Variants in PRMT7 observed in about 807,000 individuals in gnomAD.
PRMT7 encodes the protein protein arginine N-methyltransferase 7.
In PRMT7, 75 loss-of-function variants were observed where a neutral mutation model predicts 85.4. The observed-to-expected ratio is 0.88, with a 90% CI of 0.73 to 1.06. The LOEUF is 1.06. Ranked by LOEUF, PRMT7 falls within the 50% of genes least tolerant of loss-of-function variation. PRMT7 has a pLI of 0.00. For missense variants in PRMT7, 868 were observed against 915.2 expected (o/e 0.95, Z 0.67); for synonymous variants, 397 against 359.5 (o/e 1.10, Z -1.18).
chr16:68,341,224 A>G (rs952294401), intron 9 of PRMT7, among the ~76,000 whole-genome samples: 5 of 152,168 alleles, frequency 3.3e-5, no homozygotes, highest in Non-Finnish European at 7.3e-5. Context: ...CTCAAAGGAA[A>G]AGAAAGTGGG....
In PRMT7 at chr16:68,352,234, C is replaced by A. The variant is rs778020649; in HGVS notation, c.1414-14C>A. Reference sequence around the variant, plus strand: ...CTACTGACACCTGGGCCCTGCTTCTCGCCCATTCACCAGGTCTCTCTCCTC... The same window carrying A: ...CTACTGACACCTGGGCCCTGCTTCTAGCCCATTCACCAGGTCTCTCTCCTC... On this transcript the variant is annotated splice_polypyrimidine_tract_variant and intron_variant, in intron 14 of 18. Transcript: ENST00000441236. The A allele has an allele frequency of 6.2e-7, 1 of 1,611,654 alleles. No homozygotes were observed. The highest frequency in any genetic ancestry group is 1.1e-5 in the South Asian group (1 of 90,872).
In PRMT7 at chr16:68,351,967, C is replaced by T. The variant is rs531285102; in HGVS notation, c.1414-281C>T. 1.0e-4 allele frequency: 30 copies of T among 300,704 alleles called. No individual in the cohort carries two copies. The East Asian group carries it at 2.0e-3, about 20-fold the overall frequency. The allele number at this position is 300,704 out of a possible 1,614,324, so 18.6% of individuals were successfully genotyped here. On this transcript the variant is annotated intron_variant, in intron 14 of 18. Coordinates refer to ENST00000441236, the MANE Select transcript of PRMT7 (RefSeq NM_019023.5). ...GCCCCACTTTGTCTGCTTCCCTCTT[C>T]TGCTCTGCTCTCCTGAGCACGGGAC... is the stretch of plus-strand genomic sequence containing the variant.
At chr16:68,328,985 G>A (rs996756028) in intron 5 of PRMT7, 81 bp from the exon 6 acceptor site, 18 of 929,540 alleles carry the variant, frequency 1.9e-5, no homozygotes, top group Non-Finnish European at 2.9e-5. Context: ...CAGAATCAAG[G>A]AATAGCTTGC....
chr16:68,317,313 A>T (rs1308509956), intron 3 of PRMT7, among the ~76,000 whole-genome samples: 1 of 151,932 alleles, frequency 6.6e-6, no homozygotes, highest in Non-Finnish European at 1.5e-5. Context: ...GAACCAGCTG[A>T]ACTTGGGGTG....
At position 68,346,181 on chromosome 16, in the gene PRMT7, C is replaced by T. The variant is rs138745286; in HGVS notation, c.1092C>T (p.Pro364=). The change falls in exon 11 of 19, where the codon CCC becomes CCT. Residue 364 remains proline, a synonymous_variant. Coordinates refer to ENST00000441236, the MANE Select transcript of PRMT7 (RefSeq NM_019023.5). ...ATGAGAGAGTCCGCCAGATGCGCCC[C>T]GTGTGTGACTGCCAGGCTCACCTGC... is the stretch of plus-strand genomic sequence containing the variant. The part of the protein sequence containing the change: ...EKNERVRQMR[P]VCDCQAHLLW... 15 of 1,613,970 alleles carry T rather than the reference C, an allele frequency of 9.3e-6. No individual in the cohort carries two copies. The highest frequency in any genetic ancestry group is 2.2e-5 in the East Asian group (1 of 44,880).
At chr16:68,346,550 T>G (rs2086409862) in intron 11 of PRMT7, among the ~76,000 whole-genome samples, 1 of 143,072 alleles carries the variant, frequency 7.0e-6, no homozygotes, top group African/African-American at 2.7e-5. Context: ...CAGTCATTGC[T>G]GTGGGTGGTC....
At chr16:68,351,623 C>G (rs1427868830) in intron 14 of PRMT7, 1 of 152,800 alleles carries the variant, frequency 6.5e-6, no homozygotes, top group African/African-American at 2.4e-5. Flanking sequence ...CTTGCTGTCT[C>G]CCGGCCTCAC....
In PRMT7 at chr16:68,358,307, A is replaced by G. The variant is rs1456035659; in HGVS notation, c.*1083A>G. ...GGCCTGGCCCCAGCTTGTCGCTGAA[A>G]TAAGTGGAGAACACCAGCCTTGAGC... On this transcript the variant is annotated 3_prime_UTR_variant, in exon 19 of 19. Transcript: ENST00000441236. 2.0e-5 allele frequency: 3 copies of G among 152,744 alleles called. No individual in the cohort carries two copies. Among genetic ancestry groups the G allele is most frequent in the East Asian group, 1.9e-4 (1 of 5,318 alleles). 9.5% of individuals were successfully genotyped at this position (152,744 alleles called of 1,614,324 possible). A position where few individuals can be genotyped will look rare whatever the true frequency, so the allele number is the denominator to read the frequency against.
At position 68,352,334 on chromosome 16, in the gene PRMT7, G is replaced by A; in HGVS notation, c.1500G>A (p.Val500=). ...ACTTCTGGTACGTGCGGACCGCTGT[G>A]GACCAGCACCTGGGGCCAGGTGCCA... ...NLYFWYVRTA[V]DQHLGPGAMV... The change falls in exon 15 of 19, where the codon GTG becomes GTA. Residue 500 remains valine, a synonymous_variant. Transcript: ENST00000441236. 6.2e-7 allele frequency: 1 copy of A among 1,612,674 alleles called. No individual in the cohort carries two copies. Among genetic ancestry groups the A allele is most frequent in the Non-Finnish European group, 8.5e-7 (1 of 1,180,018 alleles).
intron 5 of PRMT7, among the ~76,000 whole-genome samples, chr16:68,327,523 A>C (rs1022381004): frequency 6.6e-6 from 1 of 151,378 alleles, no homozygotes; most frequent in African/African-American, 2.4e-5. Context: ...TTGTGGCTGG[A>C]GTGTTGGTTG....
At chr16:68,332,376 G>C (rs561569370) in intron 6 of PRMT7, among the ~76,000 whole-genome samples, 2 of 152,120 alleles carry the variant, frequency 1.3e-5, no homozygotes, top group Admixed American at 6.6e-5. Context: ...CCTTGGTCTC[G>C]AGTGTGTAAA....
intron 14 of PRMT7, among the ~76,000 whole-genome samples, chr16:68,349,525 T>C (rs1444964922): frequency 6.6e-6 from 1 of 152,142 alleles, no homozygotes; most frequent in Non-Finnish European, 1.5e-5. Context: ...ACCACAAAAT[T>C]AATGCATTTC....
intron 6 of PRMT7, among the ~76,000 whole-genome samples, chr16:68,337,145 TC>T (rs2084812534): frequency 6.6e-6 from 1 of 152,222 alleles, no homozygotes; most frequent in Non-Finnish European, 1.5e-5. Flanking sequence ...TTTATAGTTT[TC>T]TTATCATTTT....
intron 7 of PRMT7, 87 bp downstream of exon 7, chr16:68,337,658 C>G: frequency 1.2e-6 from 1 of 801,246 alleles, no homozygotes; most frequent in Non-Finnish European, 1.9e-6. Flanking sequence ...CCACACAGCC[C>G]AAGCCCTCAG....
chr16:68,332,274 G>A (rs1399180851), intron 6 of PRMT7, among the ~76,000 whole-genome samples: 1 of 152,094 alleles, frequency 6.6e-6, no homozygotes, highest in African/African-American at 2.4e-5. Flanking sequence ...ATGTTTAGCA[G>A]TGTCCCTGGC....
chr16:68,315,124 A>G (rs554597212), intron 2 of PRMT7: 1 of 152,032 alleles, frequency 6.6e-6, no homozygotes, highest in African/African-American at 2.4e-5. Flanking sequence ...AAAAAAAAAA[A>G]AAAGAAAAAG....
intron 6 of PRMT7, 75 bp from the exon 7 acceptor site, chr16:68,337,384 T>C (rs368041694): frequency 3.9e-6 from 4 of 1,037,644 alleles, no homozygotes; most frequent in East Asian, 2.5e-5. Flanking sequence ...TAACCACTTA[T>C]CTTTCCCATA....
intron 2 of PRMT7, chr16:68,315,363 G>A (rs2044584677): frequency 6.5e-6 from 1 of 153,674 alleles, no homozygotes; most frequent in Non-Finnish European, 1.4e-5. Flanking sequence ...TGCATGTGTT[G>A]TGTGATTTGC....
chr16:68,348,219 T>C, intron 13 of PRMT7, 123 bp from the exon 14 acceptor site: 2 of 782,580 alleles, frequency 2.6e-6, no homozygotes, highest in South Asian at 1.7e-5. Flanking sequence ...CAGATAAAAG[T>C]GGTGTTCCAG....
Sources: allele counts gnomAD v4.1 joint callset (sites outside exome capture counted in the v4.1 genomes callset), GRCh38; gene constraint gnomAD v4.1.1; transcripts MANE v1.5; gene names NCBI Gene and HGNC (gene_info 2026-07-23, HGNC 2026-07-21).